ZNG1E: variants seen among roughly 807,000 people sequenced by gnomAD.
The protein encoded by ZNG1E is Zn regulated GTPase metalloprotein activator 1E, also known as zinc-regulated GTPase metalloprotein activator 1E.
the ZNG1E span, among the ~76,000 whole-genome samples, chr9:65,667,991 C>A: frequency 5.7e-5 from 8 of 140,970 alleles, no homozygotes; most frequent in Non-Finnish European, 1.3e-4. Context: ...AGCAAAACTT[C>A]GTCTCAAAAA....
At chr9:65,660,662 T>A in the ZNG1E span, among the ~76,000 whole-genome samples, 2 of 151,330 alleles carry the variant, frequency 1.3e-5, no homozygotes, top group African/African-American at 2.4e-5. Flanking sequence ...AGAATGAAGC[T>A]ATTGTGGTGT....
At chr9:65,680,833 G>C in the ZNG1E span, among the ~76,000 whole-genome samples, 1 of 151,932 alleles carries the variant, frequency 6.6e-6, no homozygotes, top group East Asian at 1.9e-4. Flanking sequence ...GTGTTGCCCA[G>C]GCTGGAGTGC....
the ZNG1E span, among the ~76,000 whole-genome samples, chr9:65,663,978 T>C: frequency 6.7e-6 from 1 of 148,884 alleles, no homozygotes; most frequent in South Asian, 2.2e-4. Context: ...TATATATGTA[T>C]AGCATATATA....
At chr9:65,704,636 G>A in the ZNG1E span, 1 of 927,174 alleles carries the variant, frequency 1.1e-6, no homozygotes, top group Non-Finnish European at 1.3e-6. Flanking sequence ...ATTTGGGCTG[G>A]GTGCGGTGGC....
the ZNG1E span, among the ~76,000 whole-genome samples, chr9:65,694,176 A>G: frequency 6.0e-5 from 9 of 151,060 alleles, no homozygotes; most frequent in South Asian, 4.3e-4. Flanking sequence ...GGAGGTAGCA[A>G]AAAAGCCCCA....
chr9:65,657,609 C>T, the ZNG1E span, among the ~76,000 whole-genome samples: 1 of 152,128 alleles, frequency 6.6e-6, no homozygotes, highest in Non-Finnish European at 1.5e-5. Flanking sequence ...TTAATGAGTA[C>T]AAAAATATAG....
At chr9:65,664,751 T>C in the ZNG1E span, among the ~76,000 whole-genome samples, 2 of 152,144 alleles carry the variant, frequency 1.3e-5, no homozygotes, top group African/African-American at 2.4e-5. Context: ...TGGAGCTTCC[T>C]AGAGACCTGT....
the ZNG1E span, among the ~76,000 whole-genome samples, chr9:65,673,759 C>T: frequency 6.9e-5 from 10 of 145,234 alleles, no homozygotes; most frequent in South Asian, 1.3e-3. Flanking sequence ...GAGCTGTGAT[C>T]GTGCCAATGC....
At chr9:65,689,051 C>T in the ZNG1E span, 4 of 98,230 alleles carry the variant, frequency 4.1e-5, no homozygotes, top group Admixed American at 2.3e-4. Flanking sequence ...TAAACTATTT[C>T]CCTACAACCT....
At chr9:65,684,801 G>C in the ZNG1E span, among the ~76,000 whole-genome samples, 4 of 152,122 alleles carry the variant, frequency 2.6e-5, no homozygotes, top group African/African-American at 9.7e-5. Flanking sequence ...CATACTGCAG[G>C]GATATTGTGG....
chr9:65,720,015 C>T, the ZNG1E span: 1 of 1,599,730 alleles, frequency 6.3e-7, no homozygotes, highest in Non-Finnish European at 8.5e-7. Flanking sequence ...GTATTAATCT[C>T]TGAATTTCTA....
At chr9:65,685,828 TC>T in the ZNG1E span, among the ~76,000 whole-genome samples, 3 of 152,234 alleles carry the variant, frequency 2.0e-5, no homozygotes, top group African/African-American at 7.2e-5. Context: ...ATCAGAGGAA[TC>T]ACTATCTATG....
chr9:65,659,544 C>T, the ZNG1E span, among the ~76,000 whole-genome samples: 6 of 150,744 alleles, frequency 4.0e-5, no homozygotes, highest in Non-Finnish European at 8.8e-5. Context: ...ACCCAGAATT[C>T]TCAACTTCAC....
At chr9:65,715,107 G>A in the ZNG1E span, among the ~76,000 whole-genome samples, 2 of 149,648 alleles carry the variant, frequency 1.3e-5, no homozygotes, top group South Asian at 2.1e-4. Flanking sequence ...CTGGTGCGCC[G>A]TTTTTCAAGC....
At chr9:65,662,123 GCA>G in the ZNG1E span, among the ~76,000 whole-genome samples, 2 of 152,242 alleles carry the variant, frequency 1.3e-5, no homozygotes, top group Non-Finnish European at 2.9e-5. Context: ...CTGAAGTGAT[GCA>G]CAGAGAAGGA....
At chr9:65,719,888 C>G in the ZNG1E span, 1 of 1,256,188 alleles carries the variant, frequency 8.0e-7, no homozygotes, top group Non-Finnish European at 1.1e-6. Context: ...CAGCTTTTCT[C>G]TATTGGAATT....
At chr9:65,672,277 G>A in the ZNG1E span, among the ~76,000 whole-genome samples, 2 of 151,882 alleles carry the variant, frequency 1.3e-5, no homozygotes, top group Non-Finnish European at 2.9e-5. Flanking sequence ...TGTTGTTGTT[G>A]TTGTTTTACC....
chr9:65,714,410 TCTTTGGAGGAGGAGAGGCGCTGCGTTC>T, the ZNG1E span, among the ~76,000 whole-genome samples: 45 of 113,734 alleles, frequency 4.0e-4, no homozygotes, highest in African/African-American at 9.5e-4. Flanking sequence ...GAACTGCGTT[TCTTTGGAGGAGGAGAGGCGCTGCGTTC>T]CTTTGGAGGA....
At chr9:65,691,439 T>C in the ZNG1E span, among the ~76,000 whole-genome samples, 15 of 152,018 alleles carry the variant, frequency 9.9e-5, no homozygotes, top group Admixed American at 7.9e-4. Flanking sequence ...ATTCATGTTA[T>C]AACTTTAATT....
Sources: gnomAD v4.1 joint callset for allele counts (sites outside exome capture counted in the v4.1 genomes callset) on GRCh38, gnomAD v4.1.1 for gene constraint, MANE v1.5 for transcripts, NCBI Gene and HGNC (gene_info 2026-07-23, HGNC 2026-07-21) for gene names.